DOCK8: variants seen among roughly 807,000 people sequenced by gnomAD.
DOCK8 encodes dedicator of cytokinesis 8, also known as dedicator of cytokinesis protein 8.
A neutral mutation model predicts 245.6 loss-of-function variants in DOCK8; 141 were observed. The observed-to-expected ratio is 0.57, with a 90% CI of 0.50 to 0.66. The LOEUF (loss-of-function observed/expected upper bound fraction) is 0.66, where lower values mean the gene tolerates loss of function less well. Ranked by LOEUF, DOCK8 falls within the 30% of genes least tolerant of loss-of-function variation. The pLI is 0.00. For synonymous variants in DOCK8, 1,168 were observed against 970.2 expected, an observed-to-expected ratio of 1.20 and a Z score of -3.79; for missense variants, 2,965 against 2,603.4, an observed-to-expected ratio of 1.14 and a Z score of -3.02.
intron 46 of DOCK8, chr9:454,313 A>T (rs944309679): frequency 2.0e-5 from 3 of 152,232 alleles, no homozygotes; most frequent in African/African-American, 7.2e-5. Context: ...CCACATTCAC[A>T]TAACTTTTAT....
chr9:407,143 C>A, intron 28 of DOCK8, 74 bp downstream of exon 28: 1 of 1,592,074 alleles, frequency 6.3e-7, no homozygotes, highest in Non-Finnish European at 8.6e-7. Flanking sequence ...TGCAGTCTAG[C>A]TTCTCACACT....
intron 23 of DOCK8, among the ~76,000 whole-genome samples, chr9:388,062 G>GA (rs1319121089): frequency 6.6e-6 from 1 of 152,170 alleles, no homozygotes; most frequent in Non-Finnish European, 1.5e-5. Flanking sequence ...ATTACTTTAA[G>GA]AAGCAGCTTA....
chr9:387,550 A>G (rs1285439531), intron 23 of DOCK8, among the ~76,000 whole-genome samples: 1 of 152,248 alleles, frequency 6.6e-6, no homozygotes, highest in Non-Finnish European at 1.5e-5. Context: ...TAAACAGGCA[A>G]GGAGGGAATG....
intron 28 of DOCK8, among the ~76,000 whole-genome samples, chr9:409,591 T>C (rs2055615524): frequency 6.6e-6 from 1 of 152,178 alleles, no homozygotes; most frequent in Admixed American, 6.5e-5. Flanking sequence ...CTTTTTTTAT[T>C]ATTATCATAC....
intron 1 of DOCK8, among the ~76,000 whole-genome samples, chr9:250,556 C>T (rs1038523666): frequency 3.3e-5 from 5 of 152,218 alleles, no homozygotes; most frequent in African/African-American, 1.2e-4. Flanking sequence ...TTAATGCTTC[C>T]CCATGTTTTA....
chr9:290,471 C>G (rs890778855), intron 4 of DOCK8, among the ~76,000 whole-genome samples: 11 of 152,190 alleles, frequency 7.2e-5, no homozygotes, highest in African/African-American at 2.7e-4. Flanking sequence ...CTGGCCTCAG[C>G]TTCAGAGGTG....
rs1311045795 is a variant in DOCK8, at chr9:400,250, C to T, written c.3234+991C>T. Reference sequence around the variant, plus strand: ...ACCTCCACCATCACCACCACCTCCACCATCACCACCACCTCCACCATCACC... The same window carrying T: ...ACCTCCACCATCACCACCACCTCCATCATCACCACCACCTCCACCATCACC... On this transcript the variant is annotated intron_variant, in intron 26 of 47. Transcript: ENST00000432829. Among the ~76,000 whole-genome samples the T allele has an allele frequency of 6.8e-3, 600 of 87,670 alleles. 11 individuals carry two copies. The highest frequency in any genetic ancestry group is 0.047 in the African/African-American group (549 of 11,562). The allele number at this position is 87,670 out of a possible 152,430, so 57.5% of individuals were successfully genotyped here. A position where few individuals can be genotyped will look rare whatever the true frequency, so the allele number is the denominator to read the frequency against.
At chr9:362,047 T>G (rs2052755275) in intron 14 of DOCK8, among the ~76,000 whole-genome samples, 1 of 152,178 alleles carries the variant, frequency 6.6e-6, no homozygotes, top group Non-Finnish European at 1.5e-5. Context: ...GATAATACTT[T>G]GGCTCTCTTT....
chr9:427,743 A>C (rs2056553261), intron 34 of DOCK8, among the ~76,000 whole-genome samples: 1 of 152,218 alleles, frequency 6.6e-6, no homozygotes, highest in Admixed American at 6.5e-5. Context: ...CAAAGTAATC[A>C]TCATACAAAA....
intron 31 of DOCK8, 28 bp from the exon 32 acceptor site, chr9:420,921 C>T (rs774859355): frequency 2.0e-5 from 32 of 1,614,136 alleles, no homozygotes; most frequent in Admixed American, 6.7e-5. Context: ...CACCAAAGGA[C>T]ATGTCCTCCT....
intron 14 of DOCK8, among the ~76,000 whole-genome samples, chr9:353,385 A>G (rs1029926219): frequency 2.0e-5 from 3 of 152,224 alleles, no homozygotes; most frequent in Admixed American, 2.0e-4. Context: ...AAAAACATCA[A>G]GAATGATAAA....
chr9:237,843 A>G (rs1316748022), intron 1 of DOCK8, among the ~76,000 whole-genome samples: 2 of 152,164 alleles, frequency 1.3e-5, no homozygotes, highest in Non-Finnish European at 2.9e-5. Context: ...ATTTTTAAAC[A>G]GCTTATATTT....
intron 6 of DOCK8, among the ~76,000 whole-genome samples, chr9:313,167 T>C (rs1034489759): frequency 6.6e-6 from 1 of 152,172 alleles, no homozygotes; most frequent in Non-Finnish European, 1.5e-5. Context: ...CACATGGAAA[T>C]ACTATTGTTG....
chr9:330,625 A>G (rs2050968443), intron 9 of DOCK8, among the ~76,000 whole-genome samples: 1 of 152,234 alleles, frequency 6.6e-6, no homozygotes, highest in Non-Finnish European at 1.5e-5. Context: ...CTGACATACC[A>G]TAATTAGGTA....
At chr9:317,676 G>A (rs2050406181) in intron 7 of DOCK8, among the ~76,000 whole-genome samples, 1 of 152,192 alleles carries the variant, frequency 6.6e-6, no homozygotes, top group South Asian at 2.1e-4. Flanking sequence ...GGGACAATAG[G>A]GAGTGGTGAG....
At chr9:247,745 G>C (rs998442266) in intron 1 of DOCK8, among the ~76,000 whole-genome samples, 1 of 151,972 alleles carries the variant, frequency 6.6e-6, no homozygotes, top group Non-Finnish European at 1.5e-5. Context: ...CATCGTGTTA[G>C]CCAGGATGGT....
chr9:355,614 C>T (rs1329781924), intron 14 of DOCK8, among the ~76,000 whole-genome samples: 2 of 152,172 alleles, frequency 1.3e-5, no homozygotes, highest in African/African-American at 4.8e-5. Flanking sequence ...CTAAACCACA[C>T]TCCAAAGAAA....
chr9:388,805 C>T (rs935879118), intron 23 of DOCK8, among the ~76,000 whole-genome samples: 2 of 151,950 alleles, frequency 1.3e-5, no homozygotes, highest in African/African-American at 2.4e-5. Context: ...TCTGCCTCCT[C>T]GGCCTCCCAA....
chr9:293,608 T>C (rs1245495667), intron 4 of DOCK8, among the ~76,000 whole-genome samples: 2 of 152,248 alleles, frequency 1.3e-5, no homozygotes, highest in Non-Finnish European at 2.9e-5. Flanking sequence ...CACCTTCTTA[T>C]CTTTATTCAG....
Sources: allele counts gnomAD v4.1 joint callset (sites outside exome capture counted in the v4.1 genomes callset), GRCh38; gene constraint gnomAD v4.1.1; transcripts MANE v1.5; gene names NCBI Gene and HGNC (gene_info 2026-07-23, HGNC 2026-07-21).